ARFGAP3: variants seen among roughly 807,000 people sequenced by gnomAD.
ARFGAP3 encodes the protein ADP-ribosylation factor GTPase-activating protein 3.
A neutral mutation model predicts 75.0 loss-of-function variants in ARFGAP3; 72 were observed. The observed-to-expected ratio is 0.96, with a 90% CI of 0.79 to 1.17. The LOEUF (loss-of-function observed/expected upper bound fraction) is 1.17. Ranked by LOEUF, ARFGAP3 falls within the 50% of genes most tolerant of loss-of-function variation. The probability of loss-of-function intolerance (pLI) is 0.00; values close to 1 mark genes in which losing one functional copy is unlikely to be tolerated. For missense variants in ARFGAP3, 620 were observed against 626.6 expected (o/e 0.99, Z 0.11); for synonymous variants, 221 against 217.9 (o/e 1.01, Z -0.13).
In ARFGAP3 at chr22:42,857,108, C is replaced by T. The variant is rs1337128234; in HGVS notation, c.69+6G>A. On this transcript the variant is annotated splice_donor_region_variant and intron_variant, in intron 1 of 15. Transcript: ENST00000263245. The stretch of plus-strand genomic sequence containing the variant: ...AGGCAGGCCCGCACTCGCCCGCGGC[C>T]GCTACCTTGTTAGTGGGCACCGAGC... 1 of 1,508,344 alleles carries T rather than the reference C, an allele frequency of 6.6e-7. No homozygotes were observed. The highest frequency in any genetic ancestry group is 2.1e-5 in the Admixed American group (1 of 46,520). 93.4% of individuals were successfully genotyped at this position (1,508,344 alleles called of 1,614,324 possible).
intron 11 of ARFGAP3, among the ~76,000 whole-genome samples, chr22:42,816,829 T>C (rs1310253231): frequency 6.6e-6 from 1 of 152,222 alleles, no homozygotes. Flanking sequence ...ACTGCTGGAC[T>C]AAACAACACA....
chr22:42,828,932 G>A (rs1398761919), intron 6 of ARFGAP3, among the ~76,000 whole-genome samples: 4 of 152,072 alleles, frequency 2.6e-5, no homozygotes, highest in African/African-American at 7.2e-5. Flanking sequence ...TGATCCACCC[G>A]CCTCAGCCAT....
rs752165729 is a variant in ARFGAP3, at chr22:42,799,071, C to T, written c.1501G>A (p.Val501Ile). Residue 501 changes from valine to isoleucine, a missense_variant, in exon 15 of 16, where the codon GTC becomes ATC. Val to Ile is a conservative substitution (Grantham distance 29). Coordinates refer to ENST00000263245, the MANE Select transcript of ARFGAP3 (RefSeq NM_014570.5). ...GAAGTCACGACTCCATTAGCAAAGA[C>T]GGAGAGTTTTCCAGCAACCGATCTC... Reference protein sequence around the residue: ...GVRSVAGKLSVFANGVVTSIQ... With the variant: ...GVRSVAGKLSIFANGVVTSIQ... The T allele has an allele frequency of 4.0e-5, 65 of 1,614,052 alleles. No homozygotes were observed. The Admixed American group carries it at 4.7e-4, about 12-fold the overall frequency.
At chr22:42,807,828 C>T (rs1014232691) in intron 13 of ARFGAP3, among the ~76,000 whole-genome samples, 1 of 150,152 alleles carries the variant, frequency 6.7e-6, no homozygotes, top group Non-Finnish European at 1.5e-5. Flanking sequence ...GACAGAGTCT[C>T]ACTCTGCTTC....
intron 5 of ARFGAP3, 58 bp from the exon 6 acceptor site, chr22:42,831,694 C>T: frequency 1.2e-6 from 2 of 1,607,508 alleles, no homozygotes; most frequent in Middle Eastern, 1.7e-4. Context: ...CCATAAAAAA[C>T]ACATCAAAGC....
chr22:42,823,733 C>T (rs548155879), intron 7 of ARFGAP3, 31 bp from the exon 8 acceptor site: 1 of 1,490,638 alleles, frequency 6.7e-7, no homozygotes, highest in African/African-American at 1.4e-5. Flanking sequence ...AAAAGTAAGA[C>T]CAATAGAAAT....
At chr22:42,826,690 G>C (rs1398008182) in intron 7 of ARFGAP3, among the ~76,000 whole-genome samples, 1 of 152,070 alleles carries the variant, frequency 6.6e-6, no homozygotes, top group African/African-American at 2.4e-5. Flanking sequence ...GTGAGCCACT[G>C]CCCCCAGCCA....
intron 11 of ARFGAP3, 106 bp downstream of exon 11, chr22:42,817,036 T>G: frequency 1.2e-6 from 1 of 831,688 alleles, no homozygotes; most frequent in South Asian, 1.6e-5. Flanking sequence ...TTAAAAACAG[T>G]GAAGTAAATT....
chr22:42,797,317 T>A lies in ARFGAP3; in HGVS notation c.*271A>T. On this transcript the variant is annotated 3_prime_UTR_variant, in exon 16 of 16. Transcript: ENST00000263245. ...GGTCTCCAGGCCCTCAGTGTTGAAATCAAAGGTTCCAAGAAAATAAAGCAA... is the reference window on the plus strand; with the variant it reads ...GGTCTCCAGGCCCTCAGTGTTGAAAACAAAGGTTCCAAGAAAATAAAGCAA... 2.1e-6 allele frequency: 1 copy of A among 471,542 alleles called. No individual in the cohort carries two copies. The highest frequency in any genetic ancestry group is 3.8e-6 in the Non-Finnish European group (1 of 264,938). The allele number at this position is 471,542 out of a possible 1,614,324, so 29.2% of individuals were successfully genotyped here.
chr22:42,847,060 C>T (rs1927052546), intron 2 of ARFGAP3, among the ~76,000 whole-genome samples: 1 of 152,156 alleles, frequency 6.6e-6, no homozygotes, highest in Admixed American at 6.5e-5. Context: ...TCCTATAAAG[C>T]CGCTTACATG....
At chr22:42,832,077 C>G in intron 5 of ARFGAP3, among the ~76,000 whole-genome samples, 1 of 151,786 alleles carries the variant, frequency 6.6e-6, no homozygotes, top group African/African-American at 2.4e-5. Flanking sequence ...GCCAACATGC[C>G]TGGCCTGTTC....
chr22:42,833,751 C>T (rs562092350), intron 5 of ARFGAP3, among the ~76,000 whole-genome samples: 4 of 150,570 alleles, frequency 2.7e-5, no homozygotes, highest in Admixed American at 6.6e-5. Flanking sequence ...AGCGAAACTC[C>T]ATCTCAAAAA....
chr22:42,799,204 C>T (rs549204980), intron 14 of ARFGAP3, 44 bp from the exon 15 acceptor site: 1 of 1,604,996 alleles, frequency 6.2e-7, no homozygotes, highest in Admixed American at 1.7e-5. Context: ...GCCCTGGCCA[C>T]AGCTGCGGCA....
chr22:42,845,561 A>G (rs533272821), intron 2 of ARFGAP3, among the ~76,000 whole-genome samples: 4 of 151,758 alleles, frequency 2.6e-5, no homozygotes, highest in Admixed American at 6.6e-5. Flanking sequence ...CAACAACAAA[A>G]AAAAACCCCA....
At position 42,841,008 on chromosome 22, in the gene ARFGAP3, T is replaced by C. The variant is rs146115643; in HGVS notation, c.197A>G (p.Glu66Gly). 44 of 1,613,964 alleles carry C rather than the reference T, an allele frequency of 2.7e-5. No individual in the cohort carries two copies. Among genetic ancestry groups the C allele is most frequent in the Middle Eastern group, 1.6e-4 (1 of 6,082 alleles). The change falls in exon 3 of 16, where the codon GAG becomes GGG. Residue 66 changes from glutamate (E) to glycine (G), a missense_variant. Glu to Gly is a moderately conservative substitution (Grantham distance 98). Transcript: ENST00000263245. ...GVHLSFIRST[E>G]LDSNWSWFQL... ...AAACCATGACCAGTTGGAATCCAAC[T>C]CTGTAGATCTAAATGGAAAGAATAT...
chr22:42,801,277 C>A (rs1050026908), intron 14 of ARFGAP3, among the ~76,000 whole-genome samples: 1 of 152,146 alleles, frequency 6.6e-6, no homozygotes, highest in African/African-American at 2.4e-5. Context: ...GCTTGGGCAG[C>A]CAGGAAGAAG....
At chr22:42,843,786 A>G (rs1419452717) in intron 2 of ARFGAP3, among the ~76,000 whole-genome samples, 1 of 152,220 alleles carries the variant, frequency 6.6e-6, no homozygotes, top group East Asian at 1.9e-4. Context: ...AACTTGAGAA[A>G]AAACAGAGCT....
chr22:42,824,170 AT>A (rs57620930), intron 7 of ARFGAP3, among the ~76,000 whole-genome samples: 12,678 of 59,588 alleles, frequency 0.21, 1,244 homozygotes, highest in Middle Eastern at 0.28. Context: ...ACATCTGGCT[AT>A]TTTTTTTTTT....
chr22:42,844,800 T>C (rs4822203), intron 2 of ARFGAP3, among the ~76,000 whole-genome samples: 57,985 of 152,048 alleles, frequency 0.38, 11,737 homozygotes, highest in Non-Finnish European at 0.45. Flanking sequence ...CATCCTTGAC[T>C]TTTTCTTGCC....
Sources: gnomAD v4.1 joint callset for allele counts (sites outside exome capture counted in the v4.1 genomes callset) on GRCh38, gnomAD v4.1.1 for gene constraint, MANE v1.5 for transcripts, NCBI Gene and HGNC (gene_info 2026-07-23, HGNC 2026-07-21) for gene names.